Variants in MTRF1L observed in about 807,000 individuals in gnomAD.
The protein encoded by MTRF1L is peptide chain release factor 1-like, mitochondrial.
MTRF1L carries 29 observed loss-of-function variants against 40.0 expected under a neutral mutation model. The ratio of observed to expected loss-of-function variants is 0.73; its 90% confidence interval spans 0.54 to 0.99. The LOEUF is 0.99. Among genes scored for constraint, MTRF1L ranks in the 50% least tolerant of loss-of-function variants. MTRF1L has a pLI of 0.00. For missense variants in MTRF1L, 412 were observed against 464.5 expected (o/e 0.89, Z 1.04); for synonymous variants, 150 against 175.8 (o/e 0.85, Z 1.16).
chr6:152,990,672 A>C (rs1778476521), intron 6 of MTRF1L: 1 of 152,678 alleles, frequency 6.5e-6, no homozygotes, highest in Non-Finnish European at 1.5e-5. Flanking sequence ...AAAATACAAA[A>C]AATTAGCCGG....
chr6:152,991,579 C>T (rs912896256), intron 5 of MTRF1L, among the ~76,000 whole-genome samples: 6 of 152,174 alleles, frequency 3.9e-5, no homozygotes, highest in African/African-American at 1.4e-4. Context: ...TGGAGTCTCG[C>T]TCTGTCGCCC....
Position 152,995,189 on chromosome 6 carries a change from G to A in MTRF1L, c.470C>T (p.Ala157Val). The change falls in exon 3 of 7, where the codon GCT becomes GTT. Residue 157 changes from alanine to valine, a missense_variant. Coordinates refer to ENST00000367233, the MANE Select transcript of MTRF1L (RefSeq NM_019041.7). ...TTCAAAATGCCATCTTTTAAATGCAGCATATTGCTGATACATATCAAATAT... is the reference window on the plus strand; with the variant it reads ...TTCAAAATGCCATCTTTTAAATGCAACATATTGCTGATACATATCAAATAT... ...SEIFDMYQQY[A>V]AFKRWHFETL... The A allele has an allele frequency of 6.2e-7, 1 of 1,608,140 alleles. No homozygotes were observed. The highest frequency in any genetic ancestry group is 2.2e-5 in the East Asian group (1 of 44,692).
Position 152,989,850 on chromosome 6 carries a change from G to A in MTRF1L, c.*45C>T, listed in dbSNP as rs200437226. 94 of 1,544,514 alleles carry A rather than the reference G, an allele frequency of 6.1e-5. No homozygotes were observed. The Admixed American group carries it at 7.8e-4, about 13-fold the overall frequency. ...TACTTTCACCCTATGTGGATGTACT[G>A]TAGAATTTTTCTAAGCTACGAAAGT... On this transcript the variant is annotated 3_prime_UTR_variant, in exon 7 of 7. Coordinates refer to ENST00000367233, the MANE Select transcript of MTRF1L (RefSeq NM_019041.7).
At chr6:152,995,360 TA>T in intron 2 of MTRF1L, 41 bp from the exon 3 acceptor site, 1 of 1,443,642 alleles carries the variant, frequency 6.9e-7, no homozygotes, top group South Asian at 1.4e-5. Context: ...AATTAAGATT[TA>T]AAATTTATCA....
intron 4 of MTRF1L, 25 bp downstream of exon 4, chr6:152,994,488 C>T (rs1394489306): frequency 1.3e-6 from 2 of 1,583,438 alleles, no homozygotes; most frequent in Non-Finnish European, 1.7e-6. Flanking sequence ...GCCCGGGATT[C>T]CAAGGAGAGG....
chr6:153,002,340 T>C (rs551078675), intron 1 of MTRF1L, 87 bp downstream of exon 1: 5 of 1,600,894 alleles, frequency 3.1e-6, no homozygotes, highest in East Asian at 2.2e-5. Flanking sequence ...GTAAAGAGTT[T>C]CAAACTCGGG....
chr6:152,995,376 AT>A (rs2129099432), intron 2 of MTRF1L, 57 bp from the exon 3 acceptor site: 2 of 1,369,620 alleles, frequency 1.5e-6, no homozygotes, highest in Non-Finnish European at 2.0e-6. Context: ...TTATCAAAAA[AT>A]AAAAAGCTAA....
At chr6:152,995,761 C>T (rs1778693914) in intron 2 of MTRF1L, among the ~76,000 whole-genome samples, 1 of 152,116 alleles carries the variant, frequency 6.6e-6, no homozygotes, top group South Asian at 2.1e-4. Flanking sequence ...TTTAAGATTT[C>T]TTATTATGGA....
chr6:153,002,359 G>A, intron 1 of MTRF1L, 68 bp downstream of exon 1: 3 of 1,610,144 alleles, frequency 1.9e-6, no homozygotes, highest in East Asian at 2.2e-5. Context: ...GGTAGTGTGG[G>A]CAGTGGAAAA....
At chr6:152,996,814 G>A (rs1373916624) in intron 2 of MTRF1L, among the ~76,000 whole-genome samples, 1 of 152,164 alleles carries the variant, frequency 6.6e-6, no homozygotes, top group East Asian at 1.9e-4. Flanking sequence ...TCCAAATAGT[G>A]TCAGAGATGC....
intron 6 of MTRF1L, 117 bp from the exon 7 acceptor site, chr6:152,990,212 A>G: frequency 7.2e-7 from 1 of 1,384,414 alleles, no homozygotes; most frequent in South Asian, 1.5e-5. Flanking sequence ...TGCGAGAACC[A>G]GGTTTTAAAC....
chr6:152,990,483 G>C (rs778002020), intron 6 of MTRF1L: 2 of 165,188 alleles, frequency 1.2e-5, no homozygotes, highest in Non-Finnish European at 2.6e-5. Context: ...TAACAAGGTG[G>C]TGAGTTTCCC....
chr6:152,994,734 G>C (rs766539121), intron 3 of MTRF1L, 58 bp from the exon 4 acceptor site: 6 of 1,584,084 alleles, frequency 3.8e-6, no homozygotes, highest in Non-Finnish European at 4.3e-6. Flanking sequence ...ATAAATAATT[G>C]ACCATCACAT....
At chr6:153,000,918 G>A (rs1778894353) in intron 1 of MTRF1L, among the ~76,000 whole-genome samples, 1 of 139,318 alleles carries the variant, frequency 7.2e-6, no homozygotes, top group South Asian at 2.2e-4. Flanking sequence ...CTGTCACCCA[G>A]GCTGGAATGC....
intron 6 of MTRF1L, 92 bp from the exon 7 acceptor site, chr6:152,990,187 A>G (rs1261000718): frequency 1.3e-6 from 2 of 1,496,068 alleles, no homozygotes; most frequent in African/African-American, 1.5e-5. Flanking sequence ...TTCTTGATTT[A>G]TAACATGAAT....
Position 152,991,325 on chromosome 6 carries a change from A to G in MTRF1L, c.806-4T>C. 6.3e-7 allele frequency: 1 copy of G among 1,576,528 alleles called. No individual in the cohort carries two copies. The highest frequency in any genetic ancestry group is 8.6e-7 in the Non-Finnish European group (1 of 1,164,268). ...TGTTGACATTCAGAAACAACACCTG[A>G]ATAGTGTTACGAGAATTAAAAAGTT... is the stretch of plus-strand genomic sequence containing the variant. On this transcript the variant is annotated splice_region_variant and splice_polypyrimidine_tract_variant and intron_variant, in intron 5 of 6. Coordinates refer to ENST00000367233, the MANE Select transcript of MTRF1L (RefSeq NM_019041.7).
At position 152,989,837 on chromosome 6, in the gene MTRF1L, A is replaced by G. The variant is rs1216610872; in HGVS notation, c.*58T>C. On this transcript the variant is annotated 3_prime_UTR_variant, in exon 7 of 7. Coordinates refer to ENST00000367233, the MANE Select transcript of MTRF1L (RefSeq NM_019041.7). Reference sequence around the variant, plus strand: ...AAGAGAGTAAGGGTACTTTCACCCTATGTGGATGTACTGTAGAATTTTTCT... The same window carrying G: ...AAGAGAGTAAGGGTACTTTCACCCTGTGTGGATGTACTGTAGAATTTTTCT... 6 of 1,519,162 alleles carry G rather than the reference A, an allele frequency of 3.9e-6. No individual in the cohort carries two copies. The highest frequency in any genetic ancestry group is 2.3e-5 in the East Asian group (1 of 44,324). 94.1% of individuals were successfully genotyped at this position (1,519,162 alleles called of 1,614,324 possible). A position where few individuals can be genotyped will look rare whatever the true frequency, so the allele number is the denominator to read the frequency against.
Position 153,002,421 on chromosome 6 carries a change from C to CCTTA in MTRF1L, c.259+2_259+5dup, listed in dbSNP as rs1248874950. 2 of 1,613,868 alleles carry CCTTA rather than the reference C, an allele frequency of 1.2e-6. No individual in the cohort carries two copies. The highest frequency in any genetic ancestry group is 1.7e-6 in the Non-Finnish European group (2 of 1,179,886). On this transcript the variant is annotated splice_donor_region_variant and intron_variant, in intron 1 of 6. Coordinates refer to ENST00000367233, the MANE Select transcript of MTRF1L (RefSeq NM_019041.7). Reference sequence around the variant, plus strand: ...CTGACGCCTCTCCCCCGGGCCCGACCCTTACCGTGCAGCAAGTGCTCAGTC... The same window carrying CCTTA: ...CTGACGCCTCTCCCCCGGGCCCGACCCTTACTTACCGTGCAGCAAGTGCTCAGTC...
At chr6:152,995,424 G>A (rs1778684390) in intron 2 of MTRF1L, 105 bp from the exon 3 acceptor site, 1 of 1,036,370 alleles carries the variant, frequency 9.6e-7, no homozygotes, top group South Asian at 1.8e-5. Flanking sequence ...GTTTCGCCAA[G>A]CAAATAATGT....
Sources: gnomAD v4.1 joint callset for allele counts (sites outside exome capture counted in the v4.1 genomes callset) on GRCh38, gnomAD v4.1.1 for gene constraint, MANE v1.5 for transcripts, NCBI Gene and HGNC (gene_info 2026-07-23, HGNC 2026-07-21) for gene names.